The following PKHD1 variants were observed in gnomAD, a reference collection of about 807,000 sequenced individuals.
The protein encoded by PKHD1 is PKHD1 ciliary IPT domain containing fibrocystin/polyductin, also known as fibrocystin.
A neutral mutation model predicts 412.0 loss-of-function variants in PKHD1; 291 were observed. That is an observed-to-expected ratio of 0.71 (90% CI 0.64 to 0.78). The LOEUF is 0.78. Ranked by LOEUF, PKHD1 falls within the 30% of genes least tolerant of loss-of-function variation. The pLI, the probability that PKHD1 is intolerant of heterozygous loss-of-function variation, is 0.00. For synonymous variants in PKHD1, 1,777 were observed against 1,821.5 expected, an observed-to-expected ratio of 0.98 and a Z score of 0.62; for missense variants, 4,825 against 4,950.7, an observed-to-expected ratio of 0.97 and a Z score of 0.76.
At chr6:52,030,848 A>C (rs1802934191) in intron 29 of PKHD1, among the ~76,000 whole-genome samples, 1 of 152,200 alleles carries the variant, frequency 6.6e-6, no homozygotes, top group South Asian at 2.1e-4. Flanking sequence ...TTCATGGGGC[A>C]TGCAAAGCAA....
At position 51,659,421 on chromosome 6, in the gene PKHD1, C is replaced by A; in HGVS notation, c.10705G>T (p.Val3569Phe). The change falls in exon 61 of 67, where the codon GTT becomes TTT. Residue 3569 changes from valine (V) to phenylalanine (F), a missense_variant. Transcript: ENST00000371117. ...VSIHLALTVM[V>F]SVLEKGWEIV... ...TCCCAGCCTTTTTCTAAGACTGAAA[C>A]CATCACAGTGAGGGCCAAGTGAATG... 1 of 1,613,620 alleles carries A rather than the reference C, an allele frequency of 6.2e-7. No homozygotes were observed. The highest frequency in any genetic ancestry group is 8.5e-7 in the Non-Finnish European group (1 of 1,179,806).
intron 48 of PKHD1, 114 bp from the exon 49 acceptor site, chr6:51,856,184 T>C (rs1265864793): frequency 2.3e-5 from 17 of 753,510 alleles, no homozygotes; most frequent in South Asian, 1.6e-4. Context: ...TCCACATATG[T>C]CTTAGGCCCT....
intron 34 of PKHD1, among the ~76,000 whole-genome samples, chr6:52,015,055 C>T (rs1203920579): frequency 6.6e-6 from 1 of 152,076 alleles, no homozygotes; most frequent in Non-Finnish European, 1.5e-5. Context: ...CTCTAGTAAC[C>T]TATGTGTGTA....
At chr6:51,780,453 T>C (rs898638174) in intron 53 of PKHD1, among the ~76,000 whole-genome samples, 3 of 151,732 alleles carry the variant, frequency 2.0e-5, no homozygotes, top group Non-Finnish European at 4.4e-5. Context: ...GTACTACTTA[T>C]AACCAACACA....
intron 64 of PKHD1, among the ~76,000 whole-genome samples, chr6:51,637,383 A>G (rs2784222): frequency 0.043 from 6,504 of 152,272 alleles, 234 homozygotes; most frequent in African/African-American, 0.093. Flanking sequence ...CACATAAAGT[A>G]TGTGTAAATT....
intron 52 of PKHD1, among the ~76,000 whole-genome samples, chr6:51,805,324 C>T (rs1451778690): frequency 4.6e-5 from 7 of 150,626 alleles, no homozygotes; most frequent in Non-Finnish European, 3.0e-5. Flanking sequence ...TGGAGGTAAG[C>T]GTTGGGTACA....
chr6:51,850,184 G>A (rs1425313568), intron 49 of PKHD1, among the ~76,000 whole-genome samples: 2 of 152,180 alleles, frequency 1.3e-5, no homozygotes, highest in African/African-American at 4.8e-5. Flanking sequence ...TATGAGGTTT[G>A]TCAACGATCT....
intron 52 of PKHD1, among the ~76,000 whole-genome samples, chr6:51,804,107 A>C (rs1763343515): frequency 6.6e-6 from 1 of 151,450 alleles, no homozygotes; most frequent in Non-Finnish European, 1.5e-5. Context: ...AAGCCCAGGC[A>C]ACATTTCAAA....
At chr6:51,963,915 G>A (rs1792434001) in intron 35 of PKHD1, among the ~76,000 whole-genome samples, 1 of 151,898 alleles carries the variant, frequency 6.6e-6, no homozygotes, top group Non-Finnish European at 1.5e-5. Context: ...GTTCTTCCTG[G>A]AGATAAACAC....
chr6:51,941,975 G>A lies in PKHD1; in HGVS notation c.5909-7653C>T, dbSNP rs185706384. Reference sequence around the variant, plus strand: ...TCTCATAAAACGTGTTTTCCCTGCCGATCGTGTCCTACTGATCTCTCAAAC... The same window carrying A: ...TCTCATAAAACGTGTTTTCCCTGCCAATCGTGTCCTACTGATCTCTCAAAC... On this transcript the variant is annotated intron_variant, in intron 36 of 66. Transcript: ENST00000371117. Among the ~76,000 whole-genome samples, 113 of 151,530 alleles carry A rather than the reference G, an allele frequency of 7.5e-4. 3 individuals carry two copies. The highest frequency in any genetic ancestry group is 2.4e-3 in the African/African-American group (101 of 41,442).
rs1474785664 is a variant in PKHD1 at position 51,767,127 on chromosome 6, A to T, written c.8642+5575T>A. Among the ~76,000 whole-genome samples, 8 of 152,158 alleles carry T rather than the reference A, an allele frequency of 5.3e-5. No individual in the cohort carries two copies. The South Asian group carries it at 1.7e-3, about 31-fold the overall frequency. ...TAAATTCAAATGCTAATTTATTCAA[A>T]TTCTAAAAATAATGCATGACTGTGT... On this transcript the variant is annotated intron_variant, in intron 55 of 66. Coordinates refer to ENST00000371117, the MANE Select transcript of PKHD1 (RefSeq NM_138694.4).
intron 66 of PKHD1, among the ~76,000 whole-genome samples, chr6:51,620,981 A>T (rs966167047): frequency 2.6e-5 from 4 of 152,008 alleles, no homozygotes; most frequent in African/African-American, 9.7e-5. Context: ...AAACTATGGG[A>T]TGATTCTCTT....
intron 60 of PKHD1, among the ~76,000 whole-genome samples, chr6:51,740,322 T>C (rs1024415867): frequency 4.6e-5 from 7 of 152,226 alleles, no homozygotes; most frequent in African/African-American, 1.7e-4. Context: ...TATGACAATA[T>C]GCTGGGACCT....
intron 20 of PKHD1, among the ~76,000 whole-genome samples, chr6:52,053,696 T>C (rs1562240732): frequency 6.6e-6 from 1 of 152,138 alleles, no homozygotes; most frequent in Non-Finnish European, 1.5e-5. Context: ...TATTCCAGGG[T>C]CACTAGCTGA....
At chr6:51,721,918 C>G in intron 60 of PKHD1, 3 of 1,611,486 alleles carry the variant, frequency 1.9e-6, no homozygotes. Context: ...ATGCTCCAAC[C>G]CATTCTTCAC....
chr6:51,621,001 T>C (rs1766545194), intron 66 of PKHD1, among the ~76,000 whole-genome samples: 2 of 152,112 alleles, frequency 1.3e-5, no homozygotes, highest in South Asian at 4.1e-4. Context: ...TGCTTAGAGC[T>C]ATAAGAACTT....
chr6:51,926,324 G>T (rs1048507998), intron 37 of PKHD1, among the ~76,000 whole-genome samples: 5 of 152,122 alleles, frequency 3.3e-5, no homozygotes, highest in Non-Finnish European at 7.4e-5. Flanking sequence ...GACTTCATTG[G>T]AGCACCTGGA....
chr6:51,699,881 T>C (rs1364438065), intron 60 of PKHD1, among the ~76,000 whole-genome samples: 3 of 146,392 alleles, frequency 2.0e-5, no homozygotes, highest in African/African-American at 4.9e-5. Flanking sequence ...GGGAATAGTA[T>C]TAAATAGAAC....
chr6:51,719,940 A>C (rs975363905), intron 60 of PKHD1, among the ~76,000 whole-genome samples: 3 of 152,198 alleles, frequency 2.0e-5, no homozygotes, highest in African/African-American at 7.2e-5. Context: ...AAGAGATTTT[A>C]CTATGCATAT....
Sources: allele counts gnomAD v4.1 joint callset (sites outside exome capture counted in the v4.1 genomes callset), GRCh38; gene constraint gnomAD v4.1.1; transcripts MANE v1.5; gene names NCBI Gene and HGNC (gene_info 2026-07-23, HGNC 2026-07-21).